ITPR2: variants seen among roughly 807,000 people sequenced by gnomAD.
ITPR2 encodes inositol 1,4,5-trisphosphate-gated calcium channel ITPR2.
Under a neutral mutation model 317.1 loss-of-function variants are expected in ITPR2, and 207 were observed. The ratio of observed to expected loss-of-function variants is 0.65; its 90% CI spans 0.58 to 0.73. The LOEUF (loss-of-function observed/expected upper bound fraction) is 0.73. ITPR2 is among the 30% of genes least tolerant of loss of function. The pLI is 0.00. For missense variants in ITPR2, 2,613 were observed against 3,284.0 expected, an observed-to-expected ratio of 0.80 and a Z score of 4.99; for synonymous variants, 1,156 against 1,149.1, an observed-to-expected ratio of 1.01 and a Z score of -0.12.
At chr12:26,415,250 A>G (rs1178699574) in intron 51 of ITPR2, 53 bp downstream of exon 51, 1 of 1,179,492 alleles carries the variant, frequency 8.5e-7, no homozygotes. Flanking sequence ...AACAAGCTAC[A>G]CACAAGTCAT....
intron 2 of ITPR2, among the ~76,000 whole-genome samples, chr12:26,768,571 TA>T (rs879291062): frequency 4.3e-4 from 41 of 96,162 alleles, no homozygotes; most frequent in African/African-American, 1.5e-3. Flanking sequence ...CAAATATATA[TA>T]AAAAAAAAAA....
chr12:26,732,726 C>T (rs2137064900), intron 2 of ITPR2, among the ~76,000 whole-genome samples: 3 of 152,292 alleles, frequency 2.0e-5, no homozygotes, highest in Admixed American at 2.0e-4. Context: ...CCACTGGGAG[C>T]AGGTTGTCAT....
chr12:26,566,306 G>C (rs528905508), intron 34 of ITPR2, among the ~76,000 whole-genome samples: 41 of 138,434 alleles, frequency 3.0e-4, no homozygotes, highest in Middle Eastern at 4.1e-3. Flanking sequence ...GAGAGGGAGA[G>C]GGAAAAGAAG....
chr12:26,572,222 C>A (rs539478374), intron 34 of ITPR2, among the ~76,000 whole-genome samples: 1 of 152,240 alleles, frequency 6.6e-6, no homozygotes, highest in South Asian at 2.1e-4. Context: ...GACAGATCCC[C>A]ACCCAACAAA....
chr12:26,446,967 C>T (rs1941623432), intron 45 of ITPR2, among the ~76,000 whole-genome samples: 2 of 151,834 alleles, frequency 1.3e-5, no homozygotes. Flanking sequence ...TTATTTTCTC[C>T]TCCCTGTTCT....
intron 10 of ITPR2, among the ~76,000 whole-genome samples, chr12:26,690,258 T>C (rs11048654): frequency 0.19 from 28,257 of 152,254 alleles, 3,565 homozygotes; most frequent in East Asian, 0.55. Flanking sequence ...TTGAACCATG[T>C]TTGAATAAAG....
intron 55 of ITPR2, among the ~76,000 whole-genome samples, chr12:26,372,596 T>C (rs771095005): frequency 2.0e-5 from 3 of 152,222 alleles, no homozygotes; most frequent in Non-Finnish European, 4.4e-5. Context: ...ATTAACGCTC[T>C]TTCTACAATC....
intron 34 of ITPR2, among the ~76,000 whole-genome samples, chr12:26,566,878 T>C (rs1161517387): frequency 6.6e-6 from 1 of 152,182 alleles, no homozygotes; most frequent in East Asian, 1.9e-4. Context: ...AAACAGCACA[T>C]AGTTTTATAA....
At chr12:26,520,516 T>C (rs1252735472) in intron 37 of ITPR2, among the ~76,000 whole-genome samples, 2 of 152,168 alleles carry the variant, frequency 1.3e-5, no homozygotes, top group Admixed American at 6.6e-5. Flanking sequence ...CCCTCAGAAA[T>C]AGCGGCTCCT....
chr12:26,534,494 A>G (rs1210918366), intron 37 of ITPR2, among the ~76,000 whole-genome samples: 4 of 152,238 alleles, frequency 2.6e-5, no homozygotes, highest in African/African-American at 4.8e-5. Context: ...CTGAAGAAAT[A>G]GAAATTTCAT....
chr12:26,378,860 T>C (rs1939422292), intron 55 of ITPR2, among the ~76,000 whole-genome samples: 1 of 152,212 alleles, frequency 6.6e-6, no homozygotes. Flanking sequence ...TTCTCTTTTT[T>C]TCCTATTTGA....
chr12:26,566,177 AGGAGAG>A (rs1054739792), intron 34 of ITPR2, among the ~76,000 whole-genome samples: 3 of 99,944 alleles, frequency 3.0e-5, no homozygotes, highest in African/African-American at 1.2e-4. Context: ...GAGAGGGGAG[AGGAGAG>A]GGAGAGGGAG....
At chr12:26,804,930 T>C (rs1373690272) in intron 1 of ITPR2, among the ~76,000 whole-genome samples, 1 of 151,970 alleles carries the variant, frequency 6.6e-6, no homozygotes, top group Admixed American at 6.6e-5. Context: ...AGACGGGGTT[T>C]TGCCATGTTG....
chr12:26,486,825 C>T (rs1407154871), intron 40 of ITPR2: 6 of 652,234 alleles, frequency 9.2e-6, no homozygotes, highest in Middle Eastern at 2.4e-4. Context: ...ACCATGCATG[C>T]CACAATGAAA....
chr12:26,571,299 A>G lies in ITPR2; in HGVS notation c.4630+7414T>C, dbSNP rs1305582316. ...TCAGAAAAATTCGACATGACATAGTAAACTCACAGAGGATCATAGCCTCAA... is the reference window on the plus strand; with the variant it reads ...TCAGAAAAATTCGACATGACATAGTGAACTCACAGAGGATCATAGCCTCAA... On this transcript the variant is annotated intron_variant, in intron 34 of 56. Transcript: ENST00000381340. Among the ~76,000 whole-genome samples the G allele has an allele frequency of 2.0e-5, 3 of 152,352 alleles. No individual in the cohort carries two copies. In the East Asian group the frequency reaches 5.8e-4, roughly 29 times the overall value.
At chr12:26,541,362 A>T (rs542365023) in intron 37 of ITPR2, among the ~76,000 whole-genome samples, 1 of 152,192 alleles carries the variant, frequency 6.6e-6, no homozygotes, top group East Asian at 1.9e-4. Flanking sequence ...CACAACCACA[A>T]TATACATGGG....
chr12:26,451,365 T>TCTCACACACACACACACA (rs368381589), intron 45 of ITPR2, among the ~76,000 whole-genome samples: 4 of 136,324 alleles, frequency 2.9e-5, no homozygotes, highest in African/African-American at 1.2e-4. Flanking sequence ...TTCTCTCATA[T>TCTCACACACACACACACA]CACACACACA....
intron 23 of ITPR2, chr12:26,627,333 G>C (rs1591976918): frequency 6.6e-6 from 1 of 152,282 alleles, no homozygotes; most frequent in South Asian, 2.1e-4. Context: ...AAAACATCAT[G>C]ATGCTGAAAA....
intron 55 of ITPR2, among the ~76,000 whole-genome samples, chr12:26,370,310 G>A (rs1416487713): frequency 6.6e-6 from 1 of 152,166 alleles, no homozygotes; most frequent in Non-Finnish European, 1.5e-5. Context: ...CTGACTCTGG[G>A]TGGTTAGCCC....
Sources: allele counts gnomAD v4.1 joint callset (sites outside exome capture counted in the v4.1 genomes callset), GRCh38; gene constraint gnomAD v4.1.1; transcripts MANE v1.5; gene names NCBI Gene and HGNC (gene_info 2026-07-23, HGNC 2026-07-21).